DBF4: variants seen among roughly 807,000 people sequenced by gnomAD.
DBF4 encodes the protein DBF4-CDC7 kinase regulatory subunit.
DBF4 carries 25 observed loss-of-function variants against 76.6 expected under a neutral mutation model. The ratio of observed to expected loss-of-function variants is 0.33; its 90% confidence interval spans 0.24 to 0.46. DBF4 has a LOEUF of 0.46. DBF4 is among the 20% of genes least tolerant of loss of function. DBF4 has a pLI of 1.00. For synonymous variants in DBF4, 213 were observed against 258.0 expected (o/e 0.83, Z 1.67); for missense variants, 638 against 760.8 (o/e 0.84, Z 1.90).
chr7:87,896,430 CTG>C (rs777887140), intron 6 of DBF4, 42 bp from the exon 7 acceptor site: 7 of 1,555,532 alleles, frequency 4.5e-6, no homozygotes, highest in South Asian at 2.3e-5. Flanking sequence ...GCTGTTTTAA[CTG>C]TACTTTCAAA....
intron 8 of DBF4, among the ~76,000 whole-genome samples, chr7:87,897,820 G>A (rs538285931): frequency 1.3e-5 from 2 of 152,244 alleles, no homozygotes; most frequent in Non-Finnish European, 2.9e-5. Context: ...TGTCACCCAG[G>A]CTAGAGTGCA....
intron 6 of DBF4, among the ~76,000 whole-genome samples, chr7:87,896,021 C>T (rs1288728481): frequency 6.6e-6 from 1 of 152,180 alleles, no homozygotes; most frequent in African/African-American, 2.4e-5. Flanking sequence ...GCTTATTTTA[C>T]TTTTCATTCT....
In DBF4 at chr7:87,876,631, A is replaced by AGAG. The variant is rs1839045323; in HGVS notation, c.-100_-98dup. ...TAGAGGCCGTAGCTGGCGGAAGGAGAGAGGCGGCCGTCCTGTCAACAGGCC... is the reference window on the plus strand; with the variant it reads ...TAGAGGCCGTAGCTGGCGGAAGGAGAGAGGAGGCGGCCGTCCTGTCAACAGGCC... On this transcript the variant is annotated 5_prime_UTR_variant, in exon 1 of 12. Transcript: ENST00000265728. 5 of 1,312,926 alleles carry AGAG rather than the reference A, an allele frequency of 3.8e-6. No individual in the cohort carries two copies. In the African/African-American group the frequency reaches 5.8e-5, roughly 15 times the overall value. 81.3% of individuals were successfully genotyped at this position (1,312,926 alleles called of 1,614,324 possible).
At chr7:87,896,126 T>A in intron 6 of DBF4, 1 of 218,584 alleles carries the variant, frequency 4.6e-6, no homozygotes, top group Non-Finnish European at 9.0e-6. Context: ...TTGCCTAAAT[T>A]GACTGACTAA....
At chr7:87,906,121 G>A (rs1220278696) in intron 11 of DBF4, among the ~76,000 whole-genome samples, 1 of 151,734 alleles carries the variant, frequency 6.6e-6, no homozygotes. Flanking sequence ...TCAGGCCACT[G>A]CACTCCAGCC....
rs1261088935 is a variant in DBF4, at chr7:87,909,336, G to C, written c.*1173G>C. On this transcript the variant is annotated 3_prime_UTR_variant, in exon 12 of 12. Transcript: ENST00000265728. ...GACATTCAATTGGTTCTATTGCATAGTACATGAATCTATTGTCACTAAAAA... is the reference window on the plus strand; with the variant it reads ...GACATTCAATTGGTTCTATTGCATACTACATGAATCTATTGTCACTAAAAA... The C allele has an allele frequency of 6.6e-6, 1 of 152,164 alleles. No homozygotes were observed. Among genetic ancestry groups the C allele is most frequent in the Non-Finnish European group, 1.5e-5 (1 of 68,034 alleles). 9.4% of individuals were successfully genotyped at this position (152,164 alleles called of 1,614,324 possible).
At chr7:87,896,589 A>G in intron 7 of DBF4, 79 bp downstream of exon 7, 1 of 1,251,980 alleles carries the variant, frequency 8.0e-7, no homozygotes, top group Non-Finnish European at 1.1e-6. Context: ...CATATAAACC[A>G]CCCTCTAAAT....
In DBF4 at chr7:87,908,120, C is replaced by T. The variant is rs774223748; in HGVS notation, c.1982C>T (p.Ala661Val). The change falls in exon 12 of 12, where the codon GCG becomes GTG. Residue 661 changes from alanine to valine, a missense_variant. Coordinates refer to ENST00000265728, the MANE Select transcript of DBF4 (RefSeq NM_006716.4). ...EEENSDNLLTAFFSSPSTSTF... is the reference protein window; with the variant it reads ...EEENSDNLLTVFFSSPSTSTF... The stretch of plus-strand genomic sequence containing the variant: ...GAAAATTCAGATAATCTGTTAACAG[C>T]GTTTTTCTCGTCCCCTTCAACTTCT... The T allele has an allele frequency of 1.2e-5, 19 of 1,605,088 alleles. No individual in the cohort carries two copies. Among genetic ancestry groups the T allele is most frequent in the Middle Eastern group, 1.7e-4 (1 of 6,050 alleles).
intron 11 of DBF4, 44 bp downstream of exon 11, chr7:87,904,460 C>A: frequency 1.3e-6 from 2 of 1,570,090 alleles, no homozygotes; most frequent in Non-Finnish European, 1.7e-6. Context: ...TACTAGGCGG[C>A]CAGGGGTGGT....
At chr7:87,885,984 T>A (rs1562758502) in intron 3 of DBF4, among the ~76,000 whole-genome samples, 1 of 152,164 alleles carries the variant, frequency 6.6e-6, no homozygotes. Flanking sequence ...TTTACAATAT[T>A]CTCCTCGACT....
intron 11 of DBF4, among the ~76,000 whole-genome samples, chr7:87,906,031 G>T (rs1056678611): frequency 6.6e-6 from 1 of 151,914 alleles, no homozygotes; most frequent in Non-Finnish European, 1.5e-5. Context: ...GGTGGCACAT[G>T]CCTGTAGTCC....
At chr7:87,898,057 C>T (rs530892261) in intron 8 of DBF4, among the ~76,000 whole-genome samples, 26 of 152,272 alleles carry the variant, frequency 1.7e-4, no homozygotes, top group African/African-American at 5.5e-4. Context: ...GGATTACAGG[C>T]GTGAGCCACT....
At chr7:87,902,635 C>T (rs1488407238) in intron 10 of DBF4, among the ~76,000 whole-genome samples, 5 of 152,128 alleles carry the variant, frequency 3.3e-5, no homozygotes, top group African/African-American at 7.2e-5. Flanking sequence ...GTAAGAAGAA[C>T]TTAATGGAAA....
At chr7:87,897,190 A>G (rs1839662842) in intron 7 of DBF4, 104 bp from the exon 8 acceptor site, 3 of 1,067,130 alleles carry the variant, frequency 2.8e-6, no homozygotes, top group Admixed American at 2.2e-5. Flanking sequence ...AAGTGGATAC[A>G]TAGTTTTTTG....
intron 5 of DBF4, 148 bp from the exon 6 acceptor site, chr7:87,887,835 G>C (rs564671129): frequency 1.3e-6 from 1 of 748,790 alleles, no homozygotes; most frequent in African/African-American, 1.9e-5. Flanking sequence ...ATTTCAACAT[G>C]AGTTTTAGAG....
Position 87,876,774 on chromosome 7 carries a change from C to T in DBF4, c.42C>T (p.Phe14=). ...GAMRIHSKGH[F]QGGIQVKNEK... is the part of the protein sequence containing the mutation. Reference sequence around the variant, plus strand: ...TGAGGATCCACAGTAAAGGACATTTCCAGGGTAAGAAGCCCCTCCTCCGCC... The same window carrying T: ...TGAGGATCCACAGTAAAGGACATTTTCAGGGTAAGAAGCCCCTCCTCCGCC... The change falls in exon 1 of 12, where the codon TTC becomes TTT. Residue 14 remains phenylalanine, a synonymous_variant. Coordinates refer to ENST00000265728, the MANE Select transcript of DBF4 (RefSeq NM_006716.4). 6.2e-7 allele frequency: 1 copy of T among 1,614,116 alleles called. No homozygotes were observed. The highest frequency in any genetic ancestry group is 8.5e-7 in the Non-Finnish European group (1 of 1,179,980).
At chr7:87,881,922 A>G (rs1050306126) in intron 2 of DBF4, among the ~76,000 whole-genome samples, 1 of 152,232 alleles carries the variant, frequency 6.6e-6, no homozygotes, top group African/African-American at 2.4e-5. Flanking sequence ...AATAGAGGAA[A>G]GCATATTTAA....
chr7:87,888,323 T>G, intron 6 of DBF4: 1 of 985,034 alleles, frequency 1.0e-6, no homozygotes, highest in Non-Finnish European at 1.2e-6. Flanking sequence ...TTATTTATTC[T>G]GTAGAAAAAT....
At chr7:87,886,003 A>G (rs1457185320) in intron 3 of DBF4, among the ~76,000 whole-genome samples, 1 of 152,226 alleles carries the variant, frequency 6.6e-6, no homozygotes, top group Non-Finnish European at 1.5e-5. Flanking sequence ...CTTACCTATT[A>G]TAGCCATTTG....
Sources: allele counts gnomAD v4.1 joint callset (sites outside exome capture counted in the v4.1 genomes callset), GRCh38; gene constraint gnomAD v4.1.1; transcripts MANE v1.5; gene names NCBI Gene and HGNC (gene_info 2026-07-23, HGNC 2026-07-21).